ADAMTSL1: variants seen among roughly 807,000 people sequenced by gnomAD.
ADAMTSL1 encodes the protein ADAMTS like 1, also known as ADAMTS-like protein 1.
A neutral mutation model predicts 201.8 loss-of-function variants in ADAMTSL1; 126 were observed. That is an observed-to-expected ratio of 0.62 (90% CI 0.54 to 0.72). The LOEUF (loss-of-function observed/expected upper bound fraction) is 0.72. ADAMTSL1 is among the 30% of genes least tolerant of loss of function. The pLI is 0.00. For missense variants in ADAMTSL1, 2,679 were observed against 2,277.8 expected (o/e 1.18, Z -3.59); for synonymous variants, 1,121 against 903.4 (o/e 1.24, Z -4.32).
intron 4 of ADAMTSL1, among the ~76,000 whole-genome samples, chr9:18,591,948 T>G (rs535906031): frequency 1.6e-4 from 24 of 152,316 alleles, no homozygotes; most frequent in Non-Finnish European, 3.1e-4. Context: ...GAGGCAAAAC[T>G]TATAGCCCAA....
At chr9:18,472,599 T>C (rs920032931), upstream of ADAMTSL1, among the ~76,000 whole-genome samples, 1 of 152,252 alleles carries the variant, frequency 6.6e-6, no homozygotes, top group Non-Finnish European at 1.5e-5. Context: ...CCTGCTTTTC[T>C]TCACCTTTTT....
chr9:17,985,641 A>T (rs1410131684), intron 1 of ADAMTSL1, among the ~76,000 whole-genome samples: 2 of 152,144 alleles, frequency 1.3e-5, no homozygotes, highest in Admixed American at 6.6e-5. Context: ...TTTACTCTGA[A>T]TGAGCAACTT....
Position 18,246,913 on chromosome 9 carries a change from C to A in ADAMTSL1, c.207+82932C>A, listed in dbSNP as rs376007069. ...GAGGAGATTTTCTGACTGATAAATG[C>A]AAGACAATGTATTTATTACTGTTTC... On this transcript the variant is annotated intron_variant, in intron 2 of 29. Transcript: ENST00000680146. 1.1e-4 allele frequency among the ~76,000 whole-genome samples: 16 copies of A among 152,188 alleles called. No individual in the cohort carries two copies. In the East Asian group the frequency reaches 3.1e-3, roughly 29 times the overall value.
chr9:18,764,991 C>G (rs1820280964), intron 16 of ADAMTSL1, among the ~76,000 whole-genome samples: 1 of 152,110 alleles, frequency 6.6e-6, no homozygotes. Context: ...TACATCTATA[C>G]CCTTGAAATA....
intron 1 of ADAMTSL1, among the ~76,000 whole-genome samples, chr9:17,931,062 T>C (rs1826762497): frequency 6.6e-6 from 1 of 152,168 alleles, no homozygotes; most frequent in East Asian, 1.9e-4. Context: ...CTCCATCTCA[T>C]GGGGCTATTA....
At chr9:18,286,344 A>T (rs1157399915) in intron 2 of ADAMTSL1, among the ~76,000 whole-genome samples, 2 of 152,194 alleles carry the variant, frequency 1.3e-5, no homozygotes, top group African/African-American at 2.4e-5. Flanking sequence ...AATATGTATT[A>T]ACTTATTTAA....
intron 2 of ADAMTSL1, among the ~76,000 whole-genome samples, chr9:18,180,960 A>G (rs1487543087): frequency 6.6e-6 from 1 of 152,200 alleles, no homozygotes; most frequent in Non-Finnish European, 1.5e-5. Context: ...GGAACAGAAC[A>G]GAGCCCTCAG....
chr9:18,396,296 GC>G (rs1304021170), intron 2 of ADAMTSL1, among the ~76,000 whole-genome samples: 1 of 152,072 alleles, frequency 6.6e-6, no homozygotes, highest in South Asian at 2.1e-4. Context: ...ATGTCAGGGT[GC>G]CCCCTCCTGG....
At chr9:17,999,667 A>G (rs1263091706) in intron 1 of ADAMTSL1, among the ~76,000 whole-genome samples, 1 of 150,584 alleles carries the variant, frequency 6.6e-6, no homozygotes, top group Non-Finnish European at 1.5e-5. Flanking sequence ...GGTTAGTTAC[A>G]TACGTATACA....
At chr9:18,005,090 A>G (rs889146735) in intron 1 of ADAMTSL1, among the ~76,000 whole-genome samples, 2 of 152,122 alleles carry the variant, frequency 1.3e-5, no homozygotes, top group African/African-American at 2.4e-5. Context: ...CTCTGACGGT[A>G]GCTTACGCTA....
chr9:18,162,899 G>C (rs969996044), intron 1 of ADAMTSL1, among the ~76,000 whole-genome samples: 3 of 151,768 alleles, frequency 2.0e-5, no homozygotes, highest in African/African-American at 7.3e-5. Context: ...AATAATAATG[G>C]CTGTTATTTA....
intron 2 of ADAMTSL1, among the ~76,000 whole-genome samples, chr9:18,258,925 T>C (rs1467117621): frequency 6.6e-6 from 1 of 152,210 alleles, no homozygotes; most frequent in Non-Finnish European, 1.5e-5. Context: ...ACCTTCATCT[T>C]ACCAAGTCCA....
At chr9:18,779,226 A>G (rs755692369) in intron 19 of ADAMTSL1, among the ~76,000 whole-genome samples, 13 of 152,230 alleles carry the variant, frequency 8.5e-5, no homozygotes, top group Non-Finnish European at 1.6e-4. Context: ...TCCAAGGAAG[A>G]GTTCTGTCTA....
chr9:18,825,515 T>C (rs916711220), intron 21 of ADAMTSL1, among the ~76,000 whole-genome samples: 1 of 152,244 alleles, frequency 6.6e-6, no homozygotes, highest in African/African-American at 2.4e-5. Flanking sequence ...TCAACTCCAG[T>C]AGCAATCTAG....
intron 1 of ADAMTSL1, among the ~76,000 whole-genome samples, chr9:17,983,271 A>C (rs918812604): frequency 2.0e-5 from 3 of 151,386 alleles, no homozygotes; most frequent in Non-Finnish European, 1.5e-5. Context: ...GGGTTTCACC[A>C]TGTTAGCCAG....
intron 1 of ADAMTSL1, among the ~76,000 whole-genome samples, chr9:18,025,871 C>T (rs907502104): frequency 2.6e-5 from 4 of 151,996 alleles, no homozygotes; most frequent in African/African-American, 9.7e-5. Context: ...AATATTGATT[C>T]TTTCAGTCCA....
rs866756646 is a variant in ADAMTSL1 at position 18,359,827 on chromosome 9, G to A, written c.208-145002G>A. ...GGGTTAATGCCCCACCTCCCCACCCGCCCCCCCGCCCACACAAAATGCCCC... is the reference window on the plus strand; with the variant it reads ...GGGTTAATGCCCCACCTCCCCACCCACCCCCCCGCCCACACAAAATGCCCC... On this transcript the variant is annotated intron_variant, in intron 2 of 29. Coordinates refer to the ADAMTSL1 transcript ENST00000680146. Among the ~76,000 whole-genome samples, 9 of 39,356 alleles carry A rather than the reference G, an allele frequency of 2.3e-4. No individual in the cohort carries two copies. The South Asian group carries it at 6.4e-3, about 28-fold the overall frequency. 25.8% of individuals were successfully genotyped at this position (39,356 alleles called of 152,430 possible).
intron 1 of ADAMTSL1, among the ~76,000 whole-genome samples, chr9:18,129,530 G>C (rs1353748340): frequency 6.6e-6 from 1 of 152,044 alleles, no homozygotes; most frequent in Non-Finnish European, 1.5e-5. Flanking sequence ...TCCCTTTTCT[G>C]TGGGTTTTTA....
intron 4 of ADAMTSL1, among the ~76,000 whole-genome samples, chr9:18,597,157 T>C (rs1335584296): frequency 2.0e-5 from 3 of 152,216 alleles, no homozygotes; most frequent in African/African-American, 4.8e-5. Context: ...TTTTTGTCTC[T>C]TGATGACCAA....
Sources: gnomAD v4.1 joint callset for allele counts (sites outside exome capture counted in the v4.1 genomes callset) on GRCh38, gnomAD v4.1.1 for gene constraint, MANE v1.5 for transcripts, NCBI Gene and HGNC (gene_info 2026-07-23, HGNC 2026-07-21) for gene names.